Variants in ENO2 observed in about 807,000 individuals in gnomAD.
ENO2 encodes the protein enolase 2, also known as gamma-enolase.
ENO2 carries 19 observed loss-of-function variants against 48.7 expected under a neutral mutation model. The observed-to-expected ratio is 0.39, with a 90% CI of 0.27 to 0.57. ENO2 has a LOEUF of 0.57. Ranked by LOEUF, ENO2 falls within the 20% of genes least tolerant of loss-of-function variation. The pLI, the probability that ENO2 is intolerant of heterozygous loss-of-function variation, is 0.58. For missense variants in ENO2, 416 were observed against 555.0 expected (o/e 0.75, Z 2.52); for synonymous variants, 198 against 213.4 (o/e 0.93, Z 0.63).
chr12:6,919,543 A>G (rs1555141920), intron 7 of ENO2, 23 bp from the exon 8 acceptor site: 1 of 1,613,348 alleles, frequency 6.2e-7, no homozygotes, highest in Non-Finnish European at 8.5e-7. Context: ...TTGTACTATA[A>G]TCTCACTGTA....
Position 6,917,980 on chromosome 12 carries a change from A to C in ENO2, c.485A>C (p.Lys162Thr). Residue 162 changes from lysine to threonine, a missense_variant, in exon 7 of 12, where the codon AAG becomes ACG. Transcript: ENST00000229277. ...VINGGSHAGNKLAMQEFMILP... is the reference protein window; with the variant it reads ...VINGGSHAGNTLAMQEFMILP... ...AATGGTGGCTCTCATGCTGGCAACAAGCTGGCCATGCAGGAGTTCATGATC... is the reference window on the plus strand; with the variant it reads ...AATGGTGGCTCTCATGCTGGCAACACGCTGGCCATGCAGGAGTTCATGATC... 6.2e-7 allele frequency: 1 copy of C among 1,614,144 alleles called. No individual in the cohort carries two copies.
intron 7 of ENO2, 79 bp downstream of exon 7, chr12:6,918,241 G>T: frequency 6.8e-7 from 1 of 1,469,560 alleles, no homozygotes; most frequent in Non-Finnish European, 9.3e-7. Flanking sequence ...AGTTCACCAA[G>T]TCCTGAGTAG....
At chr12:6,919,514 C>T (rs1945321251) in intron 7 of ENO2, 52 bp from the exon 8 acceptor site, 1 of 1,598,340 alleles carries the variant, frequency 6.3e-7, no homozygotes, top group Non-Finnish European at 8.6e-7. Context: ...CCCTCCTCCT[C>T]CTTGCCCATC....
rs782582754 is a variant in ENO2 at position 6,915,551 on chromosome 12, C to G, written c.-12-270C>G. On this transcript the variant is annotated intron_variant, in intron 1 of 11. Coordinates refer to ENST00000229277, the MANE Select transcript of ENO2 (RefSeq NM_001975.3). ...TGTCGTGCCCCTCCCCTCCTCACTGCAGTGTTCTCCCATCTCATCATTTGA... is the reference window on the plus strand; with the variant it reads ...TGTCGTGCCCCTCCCCTCCTCACTGGAGTGTTCTCCCATCTCATCATTTGA... The G allele has an allele frequency of 2.0e-4, 92 of 456,284 alleles. No homozygotes were observed. In the East Asian group the frequency reaches 2.5e-3, roughly 12 times the overall value. 28.3% of individuals were successfully genotyped at this position (456,284 alleles called of 1,614,324 possible).
Position 6,915,896 on chromosome 12 carries a change from G to A in ENO2, c.64G>A (p.Val22Met), listed in dbSNP as rs782309040. The A allele has an allele frequency of 6.2e-7, 1 of 1,614,114 alleles. No homozygotes were observed. Among genetic ancestry groups the A allele is most frequent in the South Asian group, 1.1e-5 (1 of 91,088 alleles). ...LDSRGNPTVE[V>M]DLYTAKGLFR... Reference sequence around the variant, plus strand: ...CTCCCGCGGGAACCCCACAGTGGAGGTGGATCTCTATACTGCCAAAGGTAA... The same window carrying A: ...CTCCCGCGGGAACCCCACAGTGGAGATGGATCTCTATACTGCCAAAGGTAA... The change falls in exon 2 of 12, where the codon GTG (valine) becomes ATG (methionine). Residue 22 changes from valine to methionine, a missense_variant. Transcript: ENST00000229277.
Position 6,916,404 on chromosome 12 carries a change from G to A in ENO2, c.86-13G>A. The A allele has an allele frequency of 6.2e-7, 1 of 1,611,572 alleles. No individual in the cohort carries two copies. Among genetic ancestry groups the A allele is most frequent in the Non-Finnish European group, 8.5e-7 (1 of 1,178,832 alleles). ...TCCTCTTCACTCCCTCTCATTCCAT[G>A]TTCCTCCTTTAGGTCTTTTCCGGGC... On this transcript the variant is annotated splice_polypyrimidine_tract_variant and intron_variant, in intron 2 of 11. Transcript: ENST00000229277. This position sits in a 1 kb window ranked among gnomAD's most constrained non-coding sequence, Gnocchi z 4.5.
Position 6,922,283 on chromosome 12 carries a change from A to AGG in ENO2, c.1177-61_1177-60insGG. ...TGTCAGGGGAGTTTCAGGAGAGCAG[A>AGG]AGTTTCCTTTCAGGGGTGAGAGGGC... is the stretch of plus-strand genomic sequence containing the variant. On this transcript the variant is annotated intron_variant, in intron 10 of 11. Transcript: ENST00000229277. This position sits in a 1 kb window ranked among gnomAD's most constrained non-coding sequence, Gnocchi z 5.3. 6.2e-7 allele frequency: 1 copy of AGG among 1,613,316 alleles called. No homozygotes were observed. The highest frequency in any genetic ancestry group is 8.5e-7 in the Non-Finnish European group (1 of 1,179,348).
rs782486757 is a variant in ENO2, at chr12:6,923,192, G to A, written c.*392G>A. ...CTTGTGCTTTGCTCTTGTCCCACGT[G>A]TCTTCCACTTTGCATATGAGCCGTG... On this transcript the variant is annotated 3_prime_UTR_variant, in exon 12 of 12. Transcript: ENST00000229277. 2.1e-5 allele frequency: 5 copies of A among 241,016 alleles called. No individual in the cohort carries two copies. The South Asian group carries it at 3.0e-4, about 14-fold the overall frequency. 14.9% of individuals were successfully genotyped at this position (241,016 alleles called of 1,614,324 possible).
In ENO2 at chr12:6,922,734, T is replaced by G; in HGVS notation, c.1239T>G (p.Ile413Met). Reference protein sequence around the residue: ...RLAKYNQLMRIEEELGDEARF... With the variant: ...RLAKYNQLMRMEEELGDEARF... ...CTTTGTGGTTCATCTCTCTCAGAAT[T>G]GAGGAAGAGCTGGGGGATGAAGCTC... is the stretch of plus-strand genomic sequence containing the variant. Residue 413 changes from isoleucine (I) to methionine (M), a missense_variant, in exon 12 of 12, where the codon ATT becomes ATG. By Grantham distance (10) the Ile-to-Met change is conservative (BLOSUM62 1). Coordinates refer to ENST00000229277, the MANE Select transcript of ENO2 (RefSeq NM_001975.3). The surrounding 1 kb of genome is among the most constrained non-coding windows in gnomAD (Gnocchi z 5.3). The G allele has an allele frequency of 6.2e-7, 1 of 1,614,084 alleles. No homozygotes were observed. The highest frequency in any genetic ancestry group is 8.5e-7 in the Non-Finnish European group (1 of 1,180,002).
At chr12:6,920,275 T>G (rs1945328188) in intron 8 of ENO2, among the ~76,000 whole-genome samples, 1 of 149,060 alleles carries the variant, frequency 6.7e-6, no homozygotes, top group Admixed American at 6.9e-5. Flanking sequence ...ATTGCAGAAT[T>G]AAGGATTTGG....
rs1162460115 is a variant in ENO2, at chr12:6,922,716, G to T, written c.1236-15G>T. ...TGCATCCCTGACCACTTCCTTTGTGGTTCATCTCTCTCAGAATTGAGGAAG... is the reference window on the plus strand; with the variant it reads ...TGCATCCCTGACCACTTCCTTTGTGTTTCATCTCTCTCAGAATTGAGGAAG... On this transcript the variant is annotated splice_polypyrimidine_tract_variant and intron_variant, in intron 11 of 11. Coordinates refer to ENST00000229277, the MANE Select transcript of ENO2 (RefSeq NM_001975.3). The surrounding 1 kb of genome is among the most constrained non-coding windows in gnomAD (Gnocchi z 5.3). 1 of 1,614,102 alleles carries T rather than the reference G, an allele frequency of 6.2e-7. No homozygotes were observed. The highest frequency in any genetic ancestry group is 8.5e-7 in the Non-Finnish European group (1 of 1,179,984).
At chr12:6,915,520 A>T in intron 1 of ENO2, 1 of 348,446 alleles carries the variant, frequency 2.9e-6, no homozygotes, top group South Asian at 4.0e-5. Context: ...GAGGCGCGGG[A>T]ACCACTGTCG....
In ENO2 at chr12:6,922,488, G is replaced by T. The variant is rs1945349478; in HGVS notation, c.1235+86G>T. On this transcript the variant is annotated intron_variant, in intron 11 of 11. Transcript: ENST00000229277. This position sits in a 1 kb window ranked among gnomAD's most constrained non-coding sequence, Gnocchi z 5.3. The stretch of plus-strand genomic sequence containing the variant: ...AGACCATCTGTAGCACCAAGGGCCT[G>T]GATAACAGTCCATTTCCTGGATAAC... 5.2e-6 allele frequency: 8 copies of T among 1,538,496 alleles called. No individual in the cohort carries two copies. The highest frequency in any genetic ancestry group is 7.2e-6 in the Non-Finnish European group (8 of 1,112,868).
At chr12:6,919,855 A>G in intron 8 of ENO2, 92 bp downstream of exon 8, 1 of 1,370,142 alleles carries the variant, frequency 7.3e-7, no homozygotes, top group Non-Finnish European at 1.0e-6. Flanking sequence ...CTCAGGCACC[A>G]GGTGGGGGTG....
chr12:6,915,372 GT>G (rs1194290704), intron 1 of ENO2: 1 of 189,522 alleles, frequency 5.3e-6, no homozygotes, highest in Non-Finnish European at 1.1e-5. Flanking sequence ...GGGGTGTTAA[GT>G]TGGGGAGGTA....
Position 6,916,580 on chromosome 12 carries a change from C to T in ENO2, c.181+68C>T, listed in dbSNP as rs1435190528. On this transcript the variant is annotated intron_variant, in intron 3 of 11. Transcript: ENST00000229277. The surrounding 1 kb of genome is among the most constrained non-coding windows in gnomAD (Gnocchi z 4.5). ...TTATGCCCCTACCTCACACCAGTCCCCAGTCCTCCTCTAGCATGGCTTCCC... is the reference window on the plus strand; with the variant it reads ...TTATGCCCCTACCTCACACCAGTCCTCAGTCCTCCTCTAGCATGGCTTCCC... 5 of 1,611,518 alleles carry T rather than the reference C, an allele frequency of 3.1e-6. No individual in the cohort carries two copies. The East Asian group carries it at 1.1e-4, about 36-fold the overall frequency.
chr12:6,921,994 T>A, intron 9 of ENO2, 62 bp from the exon 10 acceptor site: 1 of 1,603,360 alleles, frequency 6.2e-7, no homozygotes, highest in Non-Finnish European at 8.5e-7. Flanking sequence ...AGACCAAGGT[T>A]GGGGCTGGGA....
chr12:6,916,947 C>T lies in ENO2; in HGVS notation c.241-91C>T. 1 of 1,573,882 alleles carries T rather than the reference C, an allele frequency of 6.4e-7. No homozygotes were observed. Among genetic ancestry groups the T allele is most frequent in the Non-Finnish European group, 8.7e-7 (1 of 1,148,510 alleles). ...TCACAGGGACCTGGTTGGACCCTGGCCAAATGTGAGCTTGGGTGTGAATGA... is the reference window on the plus strand; with the variant it reads ...TCACAGGGACCTGGTTGGACCCTGGTCAAATGTGAGCTTGGGTGTGAATGA... On this transcript the variant is annotated intron_variant, in intron 4 of 11. Transcript: ENST00000229277. The surrounding 1 kb of genome is among the most constrained non-coding windows in gnomAD (Gnocchi z 4.5).
At chr12:6,915,747 C>T in intron 1 of ENO2, 74 bp from the exon 2 acceptor site, 1 of 1,019,804 alleles carries the variant, frequency 9.8e-7, no homozygotes, top group South Asian at 1.3e-5. Flanking sequence ...CAGCCTCCCG[C>T]CCCGCCCATT....
Sources: allele counts gnomAD v4.1 joint callset (sites outside exome capture counted in the v4.1 genomes callset), GRCh38; gene constraint gnomAD v4.1.1; non-coding constraint Gnocchi (gnomAD v3.1); transcripts MANE v1.5; gene names NCBI Gene and HGNC (gene_info 2026-07-23, HGNC 2026-07-21).